FBXO22: variants seen among roughly 807,000 people sequenced by gnomAD.
The protein encoded by FBXO22 is F-box protein 22.
Under a neutral mutation model 37.2 loss-of-function variants are expected in FBXO22, and 13 were observed. That is an observed-to-expected ratio of 0.35 (90% CI 0.23 to 0.56). FBXO22 has a LOEUF of 0.56. Ranked by LOEUF, FBXO22 falls within the 20% of genes least tolerant of loss-of-function variation. FBXO22 has a pLI of 0.87. For missense variants in FBXO22, 446 were observed against 509.9 expected (o/e 0.87, Z 1.21); for synonymous variants, 189 against 189.1 (o/e 1.00, Z 0.00).
intron 5 of FBXO22, among the ~76,000 whole-genome samples, chr15:75,928,147 GGTGGGAGTGTAAATT>G (rs1226191391): frequency 2.6e-5 from 4 of 152,106 alleles, no homozygotes; most frequent in Non-Finnish European, 5.9e-5. Context: ...ATACACTGTC[GGTGGGAGTGTAAATT>G]AGTTCAGCCA....
intron 5 of FBXO22, among the ~76,000 whole-genome samples, chr15:75,926,248 TG>T (rs1380328925): frequency 6.6e-6 from 1 of 152,208 alleles, no homozygotes; most frequent in Non-Finnish European, 1.5e-5. Flanking sequence ...ACCTATGAAT[TG>T]GGGGGAACCC....
In FBXO22 at chr15:75,917,382, C is replaced by T. The variant is rs1476935691; in HGVS notation, c.616C>T (p.Leu206Phe). 7.6e-6 allele frequency: 12 copies of T among 1,586,472 alleles called. 1 individual carries two copies. The South Asian group carries it at 1.3e-4, about 18-fold the overall frequency. The change falls in exon 5 of 7, where the codon CTC becomes TTC. Residue 206 changes from leucine to phenylalanine, a missense_variant. Around this residue, in one of 2 missense-constraint regions of FBXO22, gnomAD observed 315 missense variants for 410.1 expected, o/e 0.77. Coordinates refer to ENST00000308275, the MANE Select transcript of FBXO22 (RefSeq NM_147188.3). ...GAATTTAACATTAGAAAGACATCAACTCACTGAAGTAGGTAAGTTACTTTT... is the reference window on the plus strand; with the variant it reads ...GAATTTAACATTAGAAAGACATCAATTCACTGAAGTAGGTAAGTTACTTTT... ...PKNLTLERHQLTEVGLLDNPE... is the reference protein window; with the variant it reads ...PKNLTLERHQFTEVGLLDNPE...
chr15:75,908,252 C>T (rs1176906302), intron 2 of FBXO22, among the ~76,000 whole-genome samples: 2 of 151,548 alleles, frequency 1.3e-5, no homozygotes, highest in African/African-American at 2.4e-5. Context: ...CCACTAAGAC[C>T]TAAATCTGTT....
intron 2 of FBXO22, among the ~76,000 whole-genome samples, chr15:75,908,734 G>A (rs975473444): frequency 6.6e-6 from 1 of 152,224 alleles, no homozygotes; most frequent in Non-Finnish European, 1.5e-5. Context: ...TAAGAGGCAC[G>A]TAGTCTAAGT....
At chr15:75,906,244 A>G (rs567696519) in intron 2 of FBXO22, among the ~76,000 whole-genome samples, 1 of 152,258 alleles carries the variant, frequency 6.6e-6, no homozygotes, top group East Asian at 1.9e-4. Flanking sequence ...GGAATTGGCC[A>G]TTAAGCCCTG....
rs554105401 is a variant in FBXO22 at position 75,904,738 on chromosome 15, C to T, written c.279+109C>T. On this transcript the variant is annotated intron_variant, in intron 2 of 6. Transcript: ENST00000308275. ...TTGTTAATTAAAGGAACATCTCGTT[C>T]CGTGAAAAGATTTTGTAAACATCAG... 3.4e-6 allele frequency: 3 copies of T among 883,468 alleles called. No individual in the cohort carries two copies. In the African/African-American group the frequency reaches 5.3e-5, roughly 16 times the overall value. 54.7% of individuals were successfully genotyped at this position (883,468 alleles called of 1,614,324 possible). A position where few individuals can be genotyped will look rare whatever the true frequency, so the allele number is the denominator to read the frequency against.
In FBXO22 at chr15:75,914,199, A is replaced by C; in HGVS notation, c.457A>C (p.Ile153Leu). Residue 153 changes from isoleucine to leucine, a missense_variant, in exon 4 of 7, where the codon ATT (isoleucine) becomes CTT (leucine). Physicochemically the swap from Ile to Leu is conservative, Grantham distance 5. This residue lies in a region of FBXO22 where 315 missense variants were observed against 410.1 expected (regional missense o/e 0.77). Coordinates refer to ENST00000308275, the MANE Select transcript of FBXO22 (RefSeq NM_147188.3). ...CQVLGIVTPG[I>L]VVTPMGSGSN... is the part of the protein sequence containing the mutation. ...AGTCCTTGGGATTGTGACCCCAGGA[A>C]TTGTAGGTGAGATAAATTAGCAACT... 1 of 1,610,204 alleles carries C rather than the reference A, an allele frequency of 6.2e-7. No homozygotes were observed. Among genetic ancestry groups the C allele is most frequent in the South Asian group, 1.1e-5 (1 of 90,520 alleles).
intron 3 of FBXO22, among the ~76,000 whole-genome samples, chr15:75,913,839 GT>G (rs1426797617): frequency 6.6e-6 from 1 of 152,172 alleles, no homozygotes; most frequent in Non-Finnish European, 1.5e-5. Flanking sequence ...AAATTCAGCT[GT>G]TACTGCTAAA....
chr15:75,930,384 A>G, intron 6 of FBXO22: 6 of 1,189,806 alleles, frequency 5.0e-6, no homozygotes, highest in Non-Finnish European at 6.3e-6. Context: ...CTTTAAAGGA[A>G]ACACATGGTT....
At position 75,940,397 on chromosome 15, in the gene FBXO22, T is replaced by G. The variant is rs1382017977; in HGVS notation, c.*7295T>G. On this transcript the variant is annotated 3_prime_UTR_variant, in exon 7 of 7. Transcript: ENST00000308275. ...GATTGGAAAATCTAATGTTAATATGTCAGTACTACTCAAAGTGATGTGCAG... is the reference window on the plus strand; with the variant it reads ...GATTGGAAAATCTAATGTTAATATGGCAGTACTACTCAAAGTGATGTGCAG... 1 of 151,532 alleles carries G rather than the reference T, an allele frequency of 6.6e-6. No homozygotes were observed. The highest frequency in any genetic ancestry group is 1.5e-5 in the Non-Finnish European group (1 of 67,886). The allele number at this position is 151,532 out of a possible 1,614,324, so 9.4% of individuals were successfully genotyped here.
In FBXO22 at chr15:75,932,906, A is replaced by T; in HGVS notation, c.1016A>T (p.Asn339Ile). The change falls in exon 7 of 7, where the codon AAT (asparagine) becomes ATT (isoleucine). Residue 339 changes from asparagine (N) to isoleucine (I), a missense_variant. Physicochemically the swap from Asn to Ile is moderately radical, Grantham distance 149. Coordinates refer to ENST00000308275, the MANE Select transcript of FBXO22 (RefSeq NM_147188.3). ...TTTCAGTATTACAGAGCCAAGGGGA[A>T]TGTTGAGGCTGATGCATTTAGAAAG... Reference protein sequence around the residue: ...RGFQYYRAKGNVEADAFRKFF... With the variant: ...RGFQYYRAKGIVEADAFRKFF... 6.2e-7 allele frequency: 1 copy of T among 1,614,272 alleles called. No homozygotes were observed. Among genetic ancestry groups the T allele is most frequent in the East Asian group, 2.2e-5 (1 of 44,894 alleles).
chr15:75,906,502 A>C (rs1271014268), intron 2 of FBXO22, among the ~76,000 whole-genome samples: 1 of 152,132 alleles, frequency 6.6e-6, no homozygotes, highest in Non-Finnish European at 1.5e-5. Flanking sequence ...CAAACGCAGG[A>C]TGCTTTCTAG....
rs1015124403 is a variant in FBXO22 at position 75,932,955 on chromosome 15, C to T, written c.1065C>T (p.Phe355=). The T allele has an allele frequency of 1.1e-5, 17 of 1,614,166 alleles. No individual in the cohort carries two copies. The highest frequency in any genetic ancestry group is 4.5e-5 in the East Asian group (2 of 44,882). Residue 355 remains phenylalanine, a synonymous_variant, in exon 7 of 7, where the codon TTC becomes TTT. Transcript: ENST00000308275. The part of the protein sequence containing the change: ...FRKFFPSVPL[F]GFFGNGEIGC... ...AGTTTTTTCCTAGTGTTCCCTTATT[C>T]GGCTTCTTTGGAAATGGAGAAATTG...
chr15:75,921,008 T>C (rs1016589923), intron 5 of FBXO22, among the ~76,000 whole-genome samples: 13 of 152,272 alleles, frequency 8.5e-5, no homozygotes, highest in Admixed American at 7.2e-4. Flanking sequence ...GTGAATGTCA[T>C]AGTACTTACA....
At chr15:75,926,472 A>G (rs1900443177) in intron 5 of FBXO22, among the ~76,000 whole-genome samples, 1 of 152,336 alleles carries the variant, frequency 6.6e-6, no homozygotes, top group African/African-American at 2.4e-5. Context: ...GGTAGGGGAA[A>G]GTGATTCTAC....
intron 5 of FBXO22, among the ~76,000 whole-genome samples, chr15:75,925,120 G>T (rs2141719568): frequency 6.6e-6 from 1 of 152,292 alleles, no homozygotes; most frequent in African/African-American, 2.4e-5. Context: ...AGTAGGCACA[G>T]TTCTTTCTGG....
chr15:75,929,032 G>T (rs1455380804), intron 5 of FBXO22, among the ~76,000 whole-genome samples: 1 of 152,264 alleles, frequency 6.6e-6, no homozygotes, highest in East Asian at 1.9e-4. Flanking sequence ...GACATAAAAC[G>T]AGAAATTTAT....
At chr15:75,930,939 T>G (rs2029986958) in intron 6 of FBXO22, 1 of 852,570 alleles carries the variant, frequency 1.2e-6, no homozygotes, top group South Asian at 5.4e-5. Flanking sequence ...GAGCTAGATC[T>G]GGGAAAATAG....
At position 75,935,070 on chromosome 15, in the gene FBXO22, A is replaced by C. The variant is rs900546692; in HGVS notation, c.*1968A>C. ...ATGGTTGTAACCTTAGTGCAAAGTAAAAAGGGAAAAGTTGACCTAATAGAA... is the reference window on the plus strand; with the variant it reads ...ATGGTTGTAACCTTAGTGCAAAGTACAAAGGGAAAAGTTGACCTAATAGAA... On this transcript the variant is annotated 3_prime_UTR_variant, in exon 7 of 7. Coordinates refer to ENST00000308275, the MANE Select transcript of FBXO22 (RefSeq NM_147188.3). 1 of 152,228 alleles carries C rather than the reference A, an allele frequency of 6.6e-6. No homozygotes were observed. The highest frequency in any genetic ancestry group is 2.4e-5 in the African/African-American group (1 of 41,456). 9.4% of individuals were successfully genotyped at this position (152,228 alleles called of 1,614,324 possible). A position where few individuals can be genotyped will look rare whatever the true frequency, so the allele number is the denominator to read the frequency against.
Sources: gnomAD v4.1 joint callset for allele counts (sites outside exome capture counted in the v4.1 genomes callset) on GRCh38, gnomAD v4.1.1 for gene constraint, gnomAD v4.1.1 regional missense constraint, MANE v1.5 for transcripts, NCBI Gene and HGNC (gene_info 2026-07-23, HGNC 2026-07-21) for gene names.